The following MACROD1 variants were observed in gnomAD, a reference collection of about 807,000 sequenced individuals.
The protein encoded by MACROD1 is mono-ADP ribosylhydrolase 1, also known as ADP-ribose glycohydrolase MACROD1.
MACROD1 carries 31 observed loss-of-function variants against 41.4 expected under a neutral mutation model. That is an observed-to-expected ratio of 0.75 (90% CI 0.56 to 1.01). MACROD1 has a LOEUF of 1.01. Ranked by LOEUF, MACROD1 falls within the 50% of genes least tolerant of loss-of-function variation. The pLI is 0.00. For synonymous variants in MACROD1, 252 were observed against 203.4 expected (o/e 1.24, Z -2.03); for missense variants, 473 against 460.0 (o/e 1.03, Z -0.26).
chr11:64,110,838 C>G (rs1251946434), intron 3 of MACROD1, among the ~76,000 whole-genome samples: 2 of 152,154 alleles, frequency 1.3e-5, no homozygotes, highest in African/African-American at 4.8e-5. Context: ...AATAAAAAGG[C>G]AAGCAGGCAC....
At position 64,122,565 on chromosome 11, in the gene MACROD1, A is replaced by G. The variant is rs616652; in HGVS notation, c.517+28674T>C. ...GCCCAGCCCAGCCCTGTCCGAACAA[A>G]GCCAGGCAGAGAGCTGAGGAGGGGG... is the stretch of plus-strand genomic sequence containing the variant. On this transcript the variant is annotated intron_variant, in intron 3 of 10. Transcript: ENST00000255681. This position sits in a 1 kb window ranked among gnomAD's most constrained non-coding sequence, Gnocchi z 4.0. 0.064 allele frequency among the ~76,000 whole-genome samples: 9,779 copies of G among 152,320 alleles called. 396 individuals carry two copies. Among genetic ancestry groups the G allele is most frequent in the Middle Eastern group, 0.14 (41 of 294 alleles).
At chr11:64,113,884 ATGGATGGATGGAT>A (rs1565238862) in intron 3 of MACROD1, among the ~76,000 whole-genome samples, 1 of 146,568 alleles carries the variant, frequency 6.8e-6, no homozygotes, top group African/African-American at 2.6e-5. Flanking sequence ...GGATGGATGG[ATGGATGGATGGAT>A]GGATGGATGG....
At chr11:64,162,075 C>T (rs1945763216) in intron 1 of MACROD1, among the ~76,000 whole-genome samples, 1 of 147,770 alleles carries the variant, frequency 6.8e-6, no homozygotes. Flanking sequence ...CAGCCCATGG[C>T]TCACACCTGT....
chr11:64,157,809 G>A (rs1051192299), intron 1 of MACROD1, among the ~76,000 whole-genome samples: 3 of 152,240 alleles, frequency 2.0e-5, no homozygotes, highest in Non-Finnish European at 2.9e-5. Context: ...AGAATGCCAG[G>A]TGGGCAGGGC....
intron 3 of MACROD1, among the ~76,000 whole-genome samples, chr11:64,016,597 C>T (rs571306602): frequency 2.0e-5 from 3 of 152,246 alleles, no homozygotes; most frequent in Non-Finnish European, 2.9e-5. Context: ...CGGGCGGCTC[C>T]GAGTGGCTGG....
Position 64,073,798 on chromosome 11 carries a change from C to T in MACROD1, c.518-58517G>A, listed in dbSNP as rs555197794. Among the ~76,000 whole-genome samples the T allele has an allele frequency of 9.2e-5, 14 of 152,338 alleles. No individual in the cohort carries two copies. In the East Asian group the frequency reaches 2.5e-3, roughly 27 times the overall value. ...GCTTCCCACTGAGAAACCCAGCAGC[C>T]GCATCCAGCCCTGTGTTGGGGAGGG... On this transcript the variant is annotated intron_variant, in intron 3 of 10. Transcript: ENST00000255681.
intron 3 of MACROD1, among the ~76,000 whole-genome samples, chr11:64,077,650 C>T (rs1310873224): frequency 6.6e-6 from 1 of 152,126 alleles, no homozygotes; most frequent in Non-Finnish European, 1.5e-5. Flanking sequence ...CGCTCAGAGG[C>T]ACATGCTGGC....
chr11:64,003,442 C>T (rs1328537914), intron 4 of MACROD1, among the ~76,000 whole-genome samples: 1 of 152,172 alleles, frequency 6.6e-6, no homozygotes, highest in Non-Finnish European at 1.5e-5. Context: ...TGGTCTTGAA[C>T]TCCTGACCTC....
At chr11:64,009,406 G>A (rs1208663236) in intron 4 of MACROD1, among the ~76,000 whole-genome samples, 2 of 152,020 alleles carry the variant, frequency 1.3e-5, no homozygotes, top group Non-Finnish European at 2.9e-5. Context: ...TGGGGGGCCC[G>A]TCCATCCTGC....
chr11:63,999,366 T>A lies in MACROD1; in HGVS notation c.856A>T (p.Thr286Ser), dbSNP rs1276383084. Residue 286 changes from threonine (T) to serine (S), a missense_variant, in exon 8 of 11, where the codon ACG becomes TCG. Coordinates refer to ENST00000255681, the MANE Select transcript of MACROD1 (RefSeq NM_014067.4). ...TGCTGCTCCAGCCACTCTCGCAGCG[T>A]GGCCAGCACGATCTCGGCGGCCGCC... ...CEAAAEIVLA[T>S]LREWLEQHKD... 1 of 1,593,006 alleles carries A rather than the reference T, an allele frequency of 6.3e-7. No individual in the cohort carries two copies. The highest frequency in any genetic ancestry group is 8.5e-7 in the Non-Finnish European group (1 of 1,174,580).
intron 3 of MACROD1, among the ~76,000 whole-genome samples, chr11:64,057,017 C>A (rs552415247): frequency 2.2e-4 from 34 of 152,332 alleles, no homozygotes; most frequent in Non-Finnish European, 4.0e-4. Context: ...CGTGTCACCC[C>A]CCTAAGCAAG....
intron 3 of MACROD1, chr11:64,117,096 C>T: frequency 6.2e-7 from 1 of 1,605,340 alleles, no homozygotes; most frequent in Non-Finnish European, 8.5e-7. Context: ...GAAGCTCTAC[C>T]TGCAGGACAA....
intron 3 of MACROD1, among the ~76,000 whole-genome samples, chr11:64,051,087 T>C (rs1293698635): frequency 6.6e-6 from 1 of 152,190 alleles, no homozygotes. Context: ...GGAGGAGAGA[T>C]TCACTCCATG....
chr11:64,021,651 G>T (rs1196222424), intron 3 of MACROD1, among the ~76,000 whole-genome samples: 1 of 152,066 alleles, frequency 6.6e-6, no homozygotes, highest in Non-Finnish European at 1.5e-5. Flanking sequence ...CCAGCCAGGA[G>T]TTGGGGGGGT....
intron 3 of MACROD1, among the ~76,000 whole-genome samples, chr11:64,136,645 G>A (rs995791480): frequency 6.6e-6 from 1 of 152,224 alleles, no homozygotes; most frequent in Admixed American, 6.5e-5. Context: ...CAGACCCACC[G>A]GAGAGGGTCA....
chr11:64,087,379 C>CGGTTGTCCCCAG, intron 3 of MACROD1, among the ~76,000 whole-genome samples: 1 of 152,270 alleles, frequency 6.6e-6, no homozygotes, highest in Non-Finnish European at 1.5e-5. Flanking sequence ...CGGCTGTAGC[C>CGGTTGTCCCCAG]CTGACCACAG....
chr11:64,118,418 GAAAGC>G, intron 3 of MACROD1: 1 of 1,239,232 alleles, frequency 8.1e-7, no homozygotes, highest in Non-Finnish European at 1.1e-6. Flanking sequence ...TTCCTCCGCA[GAAAGC>G]AAAGTTTGGG....
intron 3 of MACROD1, among the ~76,000 whole-genome samples, chr11:64,113,736 TGATG>T (rs747928879): frequency 5.6e-5 from 8 of 142,110 alleles, no homozygotes; most frequent in African/African-American, 1.6e-4. Flanking sequence ...GATACATGGA[TGATG>T]GATGGATGGA....
At position 64,122,898 on chromosome 11, in the gene MACROD1, G is replaced by A. The variant is rs934958190; in HGVS notation, c.517+28341C>T. On this transcript the variant is annotated intron_variant, in intron 3 of 10. Coordinates refer to ENST00000255681, the MANE Select transcript of MACROD1 (RefSeq NM_014067.4). The surrounding 1 kb of genome is among the most constrained non-coding windows in gnomAD (Gnocchi z 4.0). ...CCTTCACCTCCGGCCCTGGAGCCAAGGAGCCAGGAGAGGAGGAGAAAGAGC... is the reference window on the plus strand; with the variant it reads ...CCTTCACCTCCGGCCCTGGAGCCAAAGAGCCAGGAGAGGAGGAGAAAGAGC... Among the ~76,000 whole-genome samples, 1 of 152,234 alleles carries A rather than the reference G, an allele frequency of 6.6e-6. No individual in the cohort carries two copies. Among genetic ancestry groups the A allele is most frequent in the African/African-American group, 2.4e-5 (1 of 41,462 alleles).
Sources: allele counts gnomAD v4.1 joint callset (sites outside exome capture counted in the v4.1 genomes callset), GRCh38; gene constraint gnomAD v4.1.1; non-coding constraint Gnocchi (gnomAD v3.1); transcripts MANE v1.5; gene names NCBI Gene and HGNC (gene_info 2026-07-23, HGNC 2026-07-21).